GIT2: variants seen among roughly 807,000 people sequenced by gnomAD.
The protein encoded by GIT2 is ARF GTPase-activating protein GIT2.
In GIT2, 32 loss-of-function variants were observed where a neutral mutation model predicts 100.3. The observed-to-expected ratio is 0.32, with a 90% confidence interval of 0.24 to 0.43. GIT2 has a LOEUF of 0.43. GIT2 is among the 20% of genes least tolerant of loss of function. GIT2 has a pLI of 1.00. For missense variants in GIT2, 737 were observed against 975.1 expected, an observed-to-expected ratio of 0.76 and a Z score of 3.25; for synonymous variants, 353 against 364.1, an observed-to-expected ratio of 0.97 and a Z score of 0.35.
chr12:109,956,940 C>T (rs1235773432), intron 12 of GIT2, among the ~76,000 whole-genome samples: 1 of 151,864 alleles, frequency 6.6e-6, no homozygotes, highest in Non-Finnish European at 1.5e-5. Context: ...ATCACTTGAG[C>T]CTGGGTGGCA....
intron 12 of GIT2, among the ~76,000 whole-genome samples, chr12:109,958,744 T>C (rs1880254100): frequency 1.3e-5 from 2 of 152,268 alleles, no homozygotes; most frequent in Admixed American, 1.3e-4. Context: ...TTAATTTTTA[T>C]GGTACATATT....
At chr12:109,976,483 A>G (rs1273836288) in intron 7 of GIT2, among the ~76,000 whole-genome samples, 1 of 150,982 alleles carries the variant, frequency 6.6e-6, no homozygotes, top group Non-Finnish European at 1.5e-5. Flanking sequence ...ACGGGGTTTC[A>G]TCGTGTTAGC....
intron 7 of GIT2, among the ~76,000 whole-genome samples, chr12:109,980,628 T>C (rs1886134899): frequency 6.6e-6 from 1 of 152,206 alleles, no homozygotes; most frequent in African/African-American, 2.4e-5. Flanking sequence ...ACAAAGGTTA[T>C]TGCTTTGCTC....
chr12:109,932,621 G>A lies in GIT2; in HGVS notation c.*357C>T. ...GAACTCTCTCAAGAAAATGTTTTATGAAAAATTTCATTTATAGTTTCAGCC... is the reference window on the plus strand; with the variant it reads ...GAACTCTCTCAAGAAAATGTTTTATAAAAAATTTCATTTATAGTTTCAGCC... On this transcript the variant is annotated 3_prime_UTR_variant, in exon 20 of 20. Coordinates refer to ENST00000355312, the MANE Select transcript of GIT2 (RefSeq NM_057169.5). The A allele has an allele frequency of 5.7e-6, 1 of 176,464 alleles. No individual in the cohort carries two copies. 10.9% of individuals were successfully genotyped at this position (176,464 alleles called of 1,614,324 possible). A position where few individuals can be genotyped will look rare whatever the true frequency, so the allele number is the denominator to read the frequency against.
intron 12 of GIT2, chr12:109,954,699 G>C (rs1304111574): frequency 6.6e-6 from 1 of 152,214 alleles, no homozygotes; most frequent in Non-Finnish European, 1.5e-5. Flanking sequence ...ACGAGTTCGA[G>C]ACCAGCCTGG....
At chr12:109,944,683 C>T (rs1875775978) in intron 16 of GIT2, among the ~76,000 whole-genome samples, 5 of 152,142 alleles carry the variant, frequency 3.3e-5, no homozygotes, top group African/African-American at 9.7e-5. Context: ...TTAACCAACC[C>T]GTACAAGTGA....
chr12:109,935,393 GT>G (rs1007404530), intron 18 of GIT2, among the ~76,000 whole-genome samples: 1 of 149,934 alleles, frequency 6.7e-6, no homozygotes. Context: ...CCACACTGAA[GT>G]TTTTTTTTTG....
chr12:109,939,048 TG>T, intron 17 of GIT2, 116 bp downstream of exon 17: 1 of 687,266 alleles, frequency 1.5e-6, no homozygotes, highest in Non-Finnish European at 2.7e-6. Context: ...TAAGACTTTA[TG>T]AGTCTGAAAA....
At chr12:109,939,040 A>G (rs1195585936) in intron 17 of GIT2, 125 bp downstream of exon 17, 2 of 673,740 alleles carry the variant, frequency 3.0e-6, no homozygotes, top group African/African-American at 3.6e-5. Flanking sequence ...GAATACTTTA[A>G]GACTTTATGA....
chr12:109,976,593 CTTTT>C (rs938104261), intron 7 of GIT2, among the ~76,000 whole-genome samples: 1 of 104,408 alleles, frequency 9.6e-6, no homozygotes. Flanking sequence ...GTTTTCTTTT[CTTTT>C]TTTTTTTTTT....
chr12:109,952,337 T>A (rs1878112152), intron 13 of GIT2, among the ~76,000 whole-genome samples: 1 of 152,086 alleles, frequency 6.6e-6, no homozygotes, highest in East Asian at 1.9e-4. Flanking sequence ...CACACTCTGG[T>A]GCCGAGGTCT....
intron 12 of GIT2, among the ~76,000 whole-genome samples, chr12:109,959,029 A>T (rs1880327006): frequency 6.6e-6 from 1 of 151,758 alleles, no homozygotes; most frequent in Non-Finnish European, 1.5e-5. Flanking sequence ...AAGCAACAGC[A>T]GATATTATGC....
intron 2 of GIT2, 53 bp from the exon 3 acceptor site, chr12:109,989,855 A>G (rs1171050509): frequency 1.3e-5 from 12 of 918,734 alleles, no homozygotes; most frequent in East Asian, 4.8e-5. Context: ...CAAATATTCA[A>G]TGGGGATCAG....
chr12:109,948,904 TAAAA>T lies in GIT2; in HGVS notation c.1393-1404_1393-1401del, dbSNP rs1877074141. On this transcript the variant is annotated intron_variant, in intron 14 of 19. Coordinates refer to ENST00000355312, the MANE Select transcript of GIT2 (RefSeq NM_057169.5). This position sits in a 1 kb window ranked among gnomAD's most constrained non-coding sequence, Gnocchi z 4.3. The stretch of plus-strand genomic sequence containing the variant: ...GCTACTTTGTCAACTTTATGTATAT[TAAAA>T]ACTTTACCCAACTTTGAAATATAAT... 6 of 1,222,106 alleles carry T rather than the reference TAAAA, an allele frequency of 4.9e-6. No homozygotes were observed. Among genetic ancestry groups the T allele is most frequent in the Non-Finnish European group, 7.1e-6 (6 of 848,694 alleles). 75.7% of individuals were successfully genotyped at this position (1,222,106 alleles called of 1,614,324 possible).
chr12:109,944,557 C>G (rs1262164020), intron 16 of GIT2, among the ~76,000 whole-genome samples: 1 of 152,176 alleles, frequency 6.6e-6, no homozygotes, highest in Middle Eastern at 3.2e-3. Flanking sequence ...ATTGACTTAC[C>G]CAAACGCTGT....
chr12:109,960,075 T>G, intron 11 of GIT2, 117 bp from the exon 12 acceptor site: 1 of 703,462 alleles, frequency 1.4e-6, no homozygotes, highest in South Asian at 1.7e-5. Context: ...TCTGGCATGA[T>G]CAAAGTACAA....
Position 109,996,301 on chromosome 12 carries a change from T to C in GIT2, c.-77A>G. On this transcript the variant is annotated 5_prime_UTR_variant, in exon 1 of 20. Coordinates refer to ENST00000355312, the MANE Select transcript of GIT2 (RefSeq NM_057169.5). Reference sequence around the variant, plus strand: ...GGCGGTGGCGGCGGCGCTTCCGCTCTAACGGGTCCCAGCTGCGGCGGCGCT... The same window carrying C: ...GGCGGTGGCGGCGGCGCTTCCGCTCCAACGGGTCCCAGCTGCGGCGGCGCT... The C allele has an allele frequency of 2.9e-6, 3 of 1,036,974 alleles. No individual in the cohort carries two copies. The highest frequency in any genetic ancestry group is 4.2e-6 in the Non-Finnish European group (3 of 707,538). 64.2% of individuals were successfully genotyped at this position (1,036,974 alleles called of 1,614,324 possible).
chr12:109,956,842 C>A (rs1016610135), intron 12 of GIT2, among the ~76,000 whole-genome samples: 8 of 151,756 alleles, frequency 5.3e-5, no homozygotes, highest in Non-Finnish European at 1.2e-4. Context: ...CATGGAGAAA[C>A]CCCGTCTCTA....
At chr12:109,997,144 G>A (rs1027276816), upstream of GIT2, among the ~76,000 whole-genome samples, 1 of 146,406 alleles carries the variant, frequency 6.8e-6, no homozygotes, top group African/African-American at 2.6e-5. Flanking sequence ...GGTGGAGGTT[G>A]CAGTGAGCTG....
Sources: allele counts gnomAD v4.1 joint callset (sites outside exome capture counted in the v4.1 genomes callset), GRCh38; gene constraint gnomAD v4.1.1; non-coding constraint Gnocchi (gnomAD v3.1); transcripts MANE v1.5; gene names NCBI Gene and HGNC (gene_info 2026-07-23, HGNC 2026-07-21).